Variants in SGCD observed in about 807,000 individuals in gnomAD.
The protein encoded by SGCD is sarcoglycan delta.
A neutral mutation model predicts 36.6 loss-of-function variants in SGCD; 18 were observed. The observed-to-expected ratio is 0.49, with a 90% CI of 0.34 to 0.73. The LOEUF is 0.73. Ranked by LOEUF, SGCD falls within the 30% of genes least tolerant of loss-of-function variation. The pLI, the probability that SGCD is intolerant of heterozygous loss-of-function variation, is 0.01. For synonymous variants in SGCD, 133 were observed against 130.6 expected (o/e 1.02, Z -0.12); for missense variants, 387 against 346.7 (o/e 1.12, Z -0.92).
At chr5:156,336,568 AGTTAT>A (rs1768365053) in intron 2 of SGCD, among the ~76,000 whole-genome samples, 1 of 152,224 alleles carries the variant, frequency 6.6e-6, no homozygotes, top group African/African-American at 2.4e-5. Flanking sequence ...TGGGACTATC[AGTTAT>A]GTTAAGTGGA....
chr5:155,925,313 A>G (rs1180419315), intron 1 of SGCD, among the ~76,000 whole-genome samples: 1 of 152,190 alleles, frequency 6.6e-6, no homozygotes, highest in Non-Finnish European at 1.5e-5. Flanking sequence ...TCAAGCTGCC[A>G]TAGCAAAGTA....
At chr5:155,941,502 G>T (rs1273686446) in intron 1 of SGCD, among the ~76,000 whole-genome samples, 1 of 150,578 alleles carries the variant, frequency 6.6e-6, no homozygotes, top group Non-Finnish European at 1.5e-5. Flanking sequence ...TAATAATATT[G>T]ATATTAAATA....
chr5:156,048,240 G>A (rs1265359477), intron 1 of SGCD, among the ~76,000 whole-genome samples: 3 of 152,114 alleles, frequency 2.0e-5, no homozygotes, highest in Non-Finnish European at 4.4e-5. Flanking sequence ...CATTTGGCTT[G>A]GTTCCCAGTC....
At chr5:156,685,763 G>A (rs1414042996) in intron 7 of SGCD, among the ~76,000 whole-genome samples, 1 of 152,222 alleles carries the variant, frequency 6.6e-6, no homozygotes, top group African/African-American at 2.4e-5. Flanking sequence ...AATGTTTAGT[G>A]AAGTGAAGTC....
chr5:156,400,771 A>C (rs1772104699), intron 3 of SGCD, among the ~76,000 whole-genome samples: 1 of 152,230 alleles, frequency 6.6e-6, no homozygotes, highest in Non-Finnish European at 1.5e-5. Flanking sequence ...ATGATTTGAA[A>C]TGTGTTATTC....
upstream of SGCD, among the ~76,000 whole-genome samples, chr5:155,868,630 C>G (rs890015097): frequency 6.6e-6 from 1 of 151,900 alleles, no homozygotes; most frequent in African/African-American, 2.4e-5. Flanking sequence ...TCTAGCAAAA[C>G]CAGTCTGTAT....
At chr5:156,269,510 A>AAAAAAAACAAAAG (rs1408141297) in intron 3 of SGCD, among the ~76,000 whole-genome samples, 2 of 137,650 alleles carry the variant, frequency 1.5e-5, no homozygotes, top group Non-Finnish European at 3.1e-5. Flanking sequence ...AAAAAAAAAA[A>AAAAAAAACAAAAG]CCATCAGATC....
intron 1 of SGCD, among the ~76,000 whole-genome samples, chr5:156,011,472 G>T (rs994823284): frequency 6.6e-6 from 1 of 151,392 alleles, no homozygotes; most frequent in African/African-American, 2.4e-5. Context: ...GATGAGTCTC[G>T]GTCTGTTGCC....
intron 7 of SGCD, among the ~76,000 whole-genome samples, chr5:156,671,162 T>A (rs1356181595): frequency 6.6e-6 from 1 of 151,800 alleles, no homozygotes; most frequent in Non-Finnish European, 1.5e-5. Flanking sequence ...TCAAGTTTCT[T>A]CTGTTTTCCA....
intron 3 of SGCD, among the ~76,000 whole-genome samples, chr5:156,409,966 G>A (rs1772651923): frequency 6.6e-6 from 1 of 151,984 alleles, no homozygotes; most frequent in African/African-American, 2.4e-5. Context: ...CTGCATAGTT[G>A]GGAAGATGTA....
At chr5:156,229,263 T>TAC (rs1169810319) in intron 3 of SGCD, among the ~76,000 whole-genome samples, 2 of 106,116 alleles carry the variant, frequency 1.9e-5, no homozygotes, top group Non-Finnish European at 3.6e-5. Context: ...CATACATACA[T>TAC]ATATATATAC....
intron 2 of SGCD, among the ~76,000 whole-genome samples, chr5:156,338,853 A>G (rs1161964006): frequency 6.6e-6 from 1 of 152,148 alleles, no homozygotes; most frequent in Non-Finnish European, 1.5e-5. Flanking sequence ...CACAGCCTCA[A>G]AGGAGGTTCT....
intron 1 of SGCD, among the ~76,000 whole-genome samples, chr5:156,075,716 A>T (rs532322017): frequency 1.3e-5 from 2 of 152,316 alleles, no homozygotes; most frequent in South Asian, 2.1e-4. Flanking sequence ...GGTGATAACG[A>T]TAGGTATTCT....
intron 7 of SGCD, among the ~76,000 whole-genome samples, chr5:156,739,429 T>TAA (rs888943879): frequency 6.6e-5 from 10 of 152,128 alleles, no homozygotes; most frequent in Non-Finnish European, 1.5e-4. Context: ...TTAAAACAAG[T>TAA]AAAGAGACAA....
chr5:156,604,796 T>TACATATATACACATTTTATATGTATAAA (rs1210643435), intron 6 of SGCD, among the ~76,000 whole-genome samples: 1 of 26,966 alleles, frequency 3.7e-5, no homozygotes, highest in East Asian at 1.0e-3. Context: ...ATATGTATAA[T>TACATATATACACATTTTATATGTATAAA]ATATATAAAT....
intron 4 of SGCD, among the ~76,000 whole-genome samples, chr5:156,545,792 C>A (rs909963440): frequency 1.3e-5 from 2 of 152,048 alleles, no homozygotes; most frequent in African/African-American, 4.8e-5. Flanking sequence ...TTATCACATG[C>A]GATTTGGAAA....
At chr5:156,031,027 C>T (rs892803733) in intron 1 of SGCD, among the ~76,000 whole-genome samples, 7 of 152,130 alleles carry the variant, frequency 4.6e-5, no homozygotes, top group African/African-American at 1.4e-4. Context: ...AATCTGTCAC[C>T]ATCTACTCAG....
At chr5:155,828,183 A>G in the SGCD span, among the ~76,000 whole-genome samples, 5 of 152,130 alleles carry the variant, frequency 3.3e-5, no homozygotes, top group Non-Finnish European at 7.3e-5. Flanking sequence ...CATAATAGTA[A>G]TAGCTACCTA....
intron 3 of SGCD, among the ~76,000 whole-genome samples, chr5:156,180,454 C>A (rs4540164): frequency 0.29 from 44,646 of 151,822 alleles, 7,006 homozygotes; most frequent in East Asian, 0.57. Flanking sequence ...TAGATAAAAA[C>A]ATTTTAAACT....
Sources: allele counts gnomAD v4.1 joint callset (sites outside exome capture counted in the v4.1 genomes callset), GRCh38; gene constraint gnomAD v4.1.1; transcripts MANE v1.5; gene names NCBI Gene and HGNC (gene_info 2026-07-23, HGNC 2026-07-21).